The following TRIM66 variants were observed in gnomAD, a reference collection of about 807,000 sequenced individuals.
The protein encoded by TRIM66 is tripartite motif containing 66.
A neutral mutation model predicts 148.2 loss-of-function variants in TRIM66; 99 were observed. That is an observed-to-expected ratio of 0.67 (90% confidence interval 0.57 to 0.79). The LOEUF (loss-of-function observed/expected upper bound fraction) is 0.79. Among genes scored for constraint, TRIM66 ranks in the 30% least tolerant of loss-of-function variants. The pLI, the probability that TRIM66 is intolerant of heterozygous loss-of-function variation, is 0.00. For synonymous variants in TRIM66, 616 were observed against 635.9 expected, an observed-to-expected ratio of 0.97 and a Z score of 0.47; for missense variants, 1,666 against 1,697.9, an observed-to-expected ratio of 0.98 and a Z score of 0.33.
intron 9 of TRIM66, 123 bp from the exon 10 acceptor site, chr11:8,648,209 G>A (rs2037039651): frequency 8.6e-7 from 1 of 1,168,420 alleles, no homozygotes; most frequent in African/African-American, 1.5e-5. Flanking sequence ...ATGACTTCTA[G>A]GGAAAGTCTA....
chr11:8,625,060 A>T lies in TRIM66; in HGVS notation c.2479T>A (p.Ser827Thr), dbSNP rs1329253759. Residue 827 changes from serine to threonine, a missense_variant, in exon 16 of 25, where the codon TCC (serine) becomes ACC (threonine). Ser to Thr is a moderately conservative substitution (Grantham distance 58). This residue lies in a region of TRIM66 where 1,431 missense variants were observed against 1,412.4 expected (regional missense o/e 1.01). Coordinates refer to ENST00000646038, the MANE Select transcript of TRIM66 (RefSeq NM_001388022.1). ...TGGTTTTGAACACTTGTCAGGCTGGACACCATTTTGGGGGGAGCACTCAGC... is the reference window on the plus strand; with the variant it reads ...TGGTTTTGAACACTTGTCAGGCTGGTCACCATTTTGGGGGGAGCACTCAGC... ...SLLSAPPKMV[S>T]SLTSVQNQAM... 2 of 1,551,718 alleles carry T rather than the reference A, an allele frequency of 1.3e-6. No individual in the cohort carries two copies. The highest frequency in any genetic ancestry group is 1.7e-6 in the Non-Finnish European group (2 of 1,146,996).
rs1324901755 is a variant in TRIM66 at position 8,624,981 on chromosome 11, T to A, written c.2558A>T (p.His853Leu). The A allele has an allele frequency of 1.9e-6, 3 of 1,551,618 alleles. No homozygotes were observed. The highest frequency in any genetic ancestry group is 2.6e-6 in the Non-Finnish European group (3 of 1,146,996). Residue 853 changes from histidine to leucine, a missense_variant, in exon 16 of 25, where the codon CAT becomes CTT. Physicochemically the swap from His to Leu is moderately conservative, Grantham distance 99. This residue lies in a region of TRIM66 where 1,431 missense variants were observed against 1,412.4 expected (regional missense o/e 1.01). Transcript: ENST00000646038. ...SHLQTVPSLV[H>L]STFQSMPNLI... ...GTTGGGCATGGACTGGAATGTGCTA[T>A]GCACAAGGCTGGGCACAGTCTGTAG...
chr11:8,637,576 TCTC>T (rs2035995028), intron 15 of TRIM66, among the ~76,000 whole-genome samples: 1 of 152,082 alleles, frequency 6.6e-6, no homozygotes, highest in Non-Finnish European at 1.5e-5. Context: ...TTTTCTAAAC[TCTC>T]CTCAAGTGTC....
chr11:8,656,577 G>A (rs556901983), intron 6 of TRIM66, among the ~76,000 whole-genome samples: 8 of 152,184 alleles, frequency 5.3e-5, no homozygotes, highest in Admixed American at 5.2e-4. Context: ...TGTCACAAGT[G>A]CAAACACTTC....
intron 3 of TRIM66, among the ~76,000 whole-genome samples, chr11:8,675,330 C>G (rs2039124893): frequency 6.6e-6 from 1 of 152,238 alleles, no homozygotes; most frequent in Non-Finnish European, 1.5e-5. Flanking sequence ...TGTCAATTCA[C>G]TTTTGAGAAA....
At position 8,620,521 on chromosome 11, in the gene TRIM66, C is replaced by A. The variant is rs1426736407; in HGVS notation, c.3597G>T (p.Glu1199Asp). The A allele has an allele frequency of 6.4e-7, 1 of 1,551,818 alleles. No individual in the cohort carries two copies. The highest frequency in any genetic ancestry group is 8.7e-7 in the Non-Finnish European group (1 of 1,147,028). Residue 1199 changes from glutamate to aspartate, a missense_variant, in exon 21 of 25, where the codon GAG (glutamate) becomes GAT (aspartate). Physicochemically the swap from Glu to Asp is conservative, Grantham distance 45. Coordinates refer to ENST00000646038, the MANE Select transcript of TRIM66 (RefSeq NM_001388022.1). ...LCRSLTQPEM[E>D]YDCENACYNQ... ...TATAGCAGGCATTCTCACAGTCGTA[C>A]TCCATCTCGGGCTGGGTCAGGCTGC... is the stretch of plus-strand genomic sequence containing the variant.
At chr11:8,635,860 G>A (rs2035834410) in intron 15 of TRIM66, among the ~76,000 whole-genome samples, 1 of 152,130 alleles carries the variant, frequency 6.6e-6, no homozygotes, top group Admixed American at 6.5e-5. Context: ...ATGTCGCTCA[G>A]CTCCTTTCCT....
Position 8,621,026 on chromosome 11 carries a change from A to T in TRIM66, c.3545+6T>A, listed in dbSNP as rs2034160139. 6.4e-7 allele frequency: 1 copy of T among 1,550,524 alleles called. No individual in the cohort carries two copies. Among genetic ancestry groups the T allele is most frequent in the South Asian group, 1.2e-5 (1 of 83,884 alleles). On this transcript the variant is annotated splice_donor_region_variant and intron_variant, in intron 20 of 24. Coordinates refer to ENST00000646038, the MANE Select transcript of TRIM66 (RefSeq NM_001388022.1). ...CAGGTGATGGTCCTGGACTGGCATGACTCACCCTGGGAAGCTGAGCAAGGC... is the reference window on the plus strand; with the variant it reads ...CAGGTGATGGTCCTGGACTGGCATGTCTCACCCTGGGAAGCTGAGCAAGGC...
chr11:8,666,951 C>A (rs2038639784), intron 6 of TRIM66, among the ~76,000 whole-genome samples: 1 of 152,012 alleles, frequency 6.6e-6, no homozygotes, highest in Non-Finnish European at 1.5e-5. Flanking sequence ...CTGGTGTCTG[C>A]CACCACTGGT....
Position 8,651,838 on chromosome 11 carries a change from G to A in TRIM66, c.406C>T (p.Leu136=), listed in dbSNP as rs2037387044. 6.4e-7 allele frequency: 1 copy of A among 1,551,520 alleles called. No individual in the cohort carries two copies. The change falls in exon 7 of 25, where the codon CTG becomes TTG. Residue 136 remains leucine, a synonymous_variant. Transcript: ENST00000646038. ...GGTTGCTCAGTAGGAACACAATGCA[G>A]AAAAAAATGTTCAGTTACATCCCTG... The part of the protein sequence containing the change: ...LTRDVTEHFF[L]HCVPTEQPKM...
chr11:8,640,912 G>A lies in TRIM66; in HGVS notation c.1463C>T (p.Pro488Leu), dbSNP rs1466382301. The change falls in exon 14 of 25, where the codon CCA (proline) becomes CTA (leucine). Residue 488 changes from proline to leucine, a missense_variant. By Grantham distance (98) the Pro-to-Leu change is moderately conservative. Coordinates refer to ENST00000646038, the MANE Select transcript of TRIM66 (RefSeq NM_001388022.1). ...KGQVPPPSIH[P>L]AHSFRQPPEM... Reference sequence around the variant, plus strand: ...AGGGGGCTGCCTGAAGCTGTGGGCTGGGTGTATGCTGGGTGGGGGGACCTG... The same window carrying A: ...AGGGGGCTGCCTGAAGCTGTGGGCTAGGTGTATGCTGGGTGGGGGGACCTG... The A allele has an allele frequency of 1.3e-6, 2 of 1,550,830 alleles. No homozygotes were observed. The highest frequency in any genetic ancestry group is 2.7e-5 in the African/African-American group (2 of 73,134).
At chr11:8,630,386 G>A (rs141312143) in intron 15 of TRIM66, among the ~76,000 whole-genome samples, 3 of 152,352 alleles carry the variant, frequency 2.0e-5, no homozygotes, top group Non-Finnish European at 2.9e-5. Flanking sequence ...TATAAAGTAC[G>A]TAGAGGGTTA....
intron 1 of TRIM66, among the ~76,000 whole-genome samples, chr11:8,681,973 G>C (rs1347684674): frequency 2.6e-5 from 4 of 152,086 alleles, no homozygotes; most frequent in African/African-American, 9.7e-5. Context: ...TGTTGCCCAG[G>C]CTGGTGTTGA....
At chr11:8,672,708 C>CCTCCGT (rs2038997551) in intron 4 of TRIM66, among the ~76,000 whole-genome samples, 1 of 150,920 alleles carries the variant, frequency 6.6e-6, no homozygotes, top group African/African-American at 2.4e-5. Context: ...GCAGCCTTGA[C>CCTCCGT]CTCCCTAGGC....
In TRIM66 at chr11:8,641,117, C is replaced by T. The variant is rs928258635; in HGVS notation, c.1258G>A (p.Ala420Thr). The T allele has an allele frequency of 3.2e-6, 5 of 1,551,522 alleles. No homozygotes were observed. Among genetic ancestry groups the T allele is most frequent in the Non-Finnish European group, 4.4e-6 (5 of 1,146,858 alleles). The change falls in exon 14 of 25, where the codon GCA becomes ACA. Residue 420 changes from alanine (A) to threonine (T), a missense_variant. Around this residue, in one of 3 missense-constraint regions of TRIM66, gnomAD observed 1,431 missense variants for 1,412.4 expected, o/e 1.01. Transcript: ENST00000646038. ...AAGCCTCCATAAGCAGGAGCATCTG[C>T]CCTGGACATTTGTCCACCTTCAGTA... is the stretch of plus-strand genomic sequence containing the variant. ...ITTEGGQMSR[A>T]DAPAYGGLQG...
At chr11:8,632,283 G>C (rs549512305) in intron 15 of TRIM66, among the ~76,000 whole-genome samples, 2 of 151,920 alleles carry the variant, frequency 1.3e-5, no homozygotes, top group Non-Finnish European at 2.9e-5. Context: ...ACTCCAACCT[G>C]GGTGGCAGAG....
chr11:8,622,669 C>G, intron 18 of TRIM66, 147 bp downstream of exon 18: 1 of 716,272 alleles, frequency 1.4e-6, no homozygotes. Flanking sequence ...TCCCAGACAT[C>G]CACTTGAAGG....
chr11:8,676,579 A>G lies in TRIM66; in HGVS notation c.-189-1696T>C, dbSNP rs368853170. 1.6e-4 allele frequency among the ~76,000 whole-genome samples: 24 copies of G among 152,352 alleles called. No individual in the cohort carries two copies. The East Asian group carries it at 2.9e-3, about 18-fold the overall frequency. On this transcript the variant is annotated intron_variant, in intron 3 of 24. Coordinates refer to ENST00000646038, the MANE Select transcript of TRIM66 (RefSeq NM_001388022.1). ...ACACAGGGTAAGAATATAAAGAAACAGGCATCTCATTTATGTCTTAGAAGA... is the reference window on the plus strand; with the variant it reads ...ACACAGGGTAAGAATATAAAGAAACGGGCATCTCATTTATGTCTTAGAAGA...
At chr11:8,651,422 T>C (rs558637890) in intron 7 of TRIM66, among the ~76,000 whole-genome samples, 186 of 152,258 alleles carry the variant, frequency 1.2e-3, no homozygotes, top group African/African-American at 3.5e-3. Flanking sequence ...GGCTGGTACA[T>C]GAATTTCAAC....
Sources: allele counts gnomAD v4.1 joint callset (sites outside exome capture counted in the v4.1 genomes callset), GRCh38; gene constraint gnomAD v4.1.1; regional missense constraint gnomAD v4.1.1; transcripts MANE v1.5; gene names NCBI Gene and HGNC (gene_info 2026-07-23, HGNC 2026-07-21).